KIF4B: variants seen among roughly 807,000 people sequenced by gnomAD.
KIF4B encodes the protein chromosome-associated kinesin KIF4B.
In KIF4B, 60 loss-of-function variants were observed where a neutral mutation model predicts 69.0. The ratio of observed to expected loss-of-function variants is 0.87; its 90% confidence interval spans 0.71 to 1.08. The LOEUF is 1.08. Among genes scored for constraint, KIF4B ranks in the 50% least tolerant of loss-of-function variants. The pLI, the probability that KIF4B is intolerant of heterozygous loss-of-function variation, is 0.00. For missense variants in KIF4B, 1,357 were observed against 1,451.9 expected, an observed-to-expected ratio of 0.93 and a Z score of 1.06; for synonymous variants, 489 against 533.0, an observed-to-expected ratio of 0.92 and a Z score of 1.14.
rs1765348671 is a variant in KIF4B, at chr5:155,017,332, AC to A, written c.3476del (p.Pro1159LeufsTer11). On this transcript the variant is annotated frameshift_variant, in exon 1 of 1. Coordinates refer to ENST00000435029, the MANE Select transcript of KIF4B (RefSeq NM_001099293.3). LOFTEE classifies it low-confidence loss of function (END_TRUNC). ...GTGACCCCAGGATTGAGCTTCTTTA[AC>A]CCTGTCTGTGCCACCCCCAATAGCA... ...TEVTPGLSFF[N>X]PVCATPNSKI... The A allele has an allele frequency of 6.2e-7, 1 of 1,613,958 alleles. No individual in the cohort carries two copies. Among genetic ancestry groups the A allele is most frequent in the East Asian group, 2.2e-5 (1 of 44,876 alleles).
chr5:155,014,290 A>T lies in KIF4B; in HGVS notation c.431A>T (p.Tyr144Phe). 1 of 1,614,256 alleles carries T rather than the reference A, an allele frequency of 6.2e-7. No individual in the cohort carries two copies. The change falls in exon 1 of 1, where the codon TAC becomes TTC. Residue 144 changes from tyrosine to phenylalanine, a missense_variant. Coordinates refer to ENST00000435029, the MANE Select transcript of KIF4B (RefSeq NM_001099293.3). ...CTGAAAGTGTCTTACTTAGAGATTT[A>T]CAATGAAGAAATTTTGGATCTTCTA... ...FTLKVSYLEI[Y>F]NEEILDLLCP...
Position 155,017,712 on chromosome 5 carries a change from T to G in KIF4B, c.*148T>G, listed in dbSNP as rs1057387593. The G allele has an allele frequency of 1.4e-6, 2 of 1,383,090 alleles. No homozygotes were observed. Among genetic ancestry groups the G allele is most frequent in the African/African-American group, 1.5e-5 (1 of 68,156 alleles). The allele number at this position is 1,383,090 out of a possible 1,614,324, so 85.7% of individuals were successfully genotyped here. A position where few individuals can be genotyped will look rare whatever the true frequency, so the allele number is the denominator to read the frequency against. ...AAGCATTACTAAAAAGAAGGTAACC[T>G]TTGTTGGATGTTGTCCCTCAGTCTC... On this transcript the variant is annotated 3_prime_UTR_variant, in exon 1 of 1. Coordinates refer to ENST00000435029, the MANE Select transcript of KIF4B (RefSeq NM_001099293.3).
In KIF4B at chr5:155,015,698, G is replaced by C. The variant is rs752547410; in HGVS notation, c.1839G>C (p.Lys613Asn). The C allele has an allele frequency of 6.1e-5, 98 of 1,614,094 alleles. No individual in the cohort carries two copies. The highest frequency in any genetic ancestry group is 8.1e-5 in the Non-Finnish European group (95 of 1,180,058). The change falls in exon 1 of 1, where the codon AAG (lysine) becomes AAC (asparagine). Residue 613 changes from lysine to asparagine, a missense_variant. Coordinates refer to ENST00000435029, the MANE Select transcript of KIF4B (RefSeq NM_001099293.3). ...QELEGQIADLKKKLNEQSKLL... is the reference protein window; with the variant it reads ...QELEGQIADLNKKLNEQSKLL... ...TGGAGGGTCAAATAGCTGATCTGAA[G>C]AAGAAACTGAATGAGCAGTCCAAAC...
chr5:155,014,879 T>C lies in KIF4B; in HGVS notation c.1020T>C (p.Pro340=), dbSNP rs368237750. 72 of 1,614,098 alleles carry C rather than the reference T, an allele frequency of 4.5e-5. 1 individual carries two copies. The East Asian group carries it at 8.7e-4, about 19-fold the overall frequency. Residue 340 remains proline (P), a synonymous_variant, in exon 1 of 1, where the codon CCT becomes CCC. Coordinates refer to ENST00000435029, the MANE Select transcript of KIF4B (RefSeq NM_001099293.3). ...GAGCAAGAAAAATCAAGAACAAACC[T>C]ATTGTTAATATTGATCCCCACACAG... The part of the protein sequence containing the change: ...ADRARKIKNK[P]IVNIDPHTAE...
chr5:155,016,870 A>T lies in KIF4B; in HGVS notation c.3011A>T (p.Lys1004Ile). The change falls in exon 1 of 1, where the codon AAA becomes ATA. Residue 1004 changes from lysine (K) to isoleucine (I), a missense_variant. Coordinates refer to ENST00000435029, the MANE Select transcript of KIF4B (RefSeq NM_001099293.3). ...LILLQVASRQ[K>I]HLPNDTLLSP... ...CTCCTCCAGGTAGCCAGCAGACAGA[A>T]ACATCTTCCTAATGATACCCTTCTA... The T allele has an allele frequency of 1.2e-6, 2 of 1,614,214 alleles. No homozygotes were observed. The highest frequency in any genetic ancestry group is 1.7e-6 in the Non-Finnish European group (2 of 1,180,046).
chr5:155,016,660 T>C lies in KIF4B; in HGVS notation c.2801T>C (p.Leu934Pro). ...EQQHQEKVLY[L>P]VSQLQESQMA... ...CAGCACCAAGAGAAGGTGCTATACCTTGTCAGCCAGCTGCAGGAAAGCCAA... is the reference window on the plus strand; with the variant it reads ...CAGCACCAAGAGAAGGTGCTATACCCTGTCAGCCAGCTGCAGGAAAGCCAA... Residue 934 changes from leucine (L) to proline (P), a missense_variant, in exon 1 of 1, where the codon CTT (leucine) becomes CCT (proline). Transcript: ENST00000435029. 6.2e-7 allele frequency: 1 copy of C among 1,614,200 alleles called. No individual in the cohort carries two copies. The highest frequency in any genetic ancestry group is 8.5e-7 in the Non-Finnish European group (1 of 1,180,026).
rs1275686635 is a variant in KIF4B at position 155,015,877 on chromosome 5, T to A, written c.2018T>A (p.Ile673Lys). ...AAGCAGAAAAAAGACAAAGAAGTAATACAGTTGAAAGAACGAGACCGTAAG... is the reference window on the plus strand; with the variant it reads ...AAGCAGAAAAAAGACAAAGAAGTAAAACAGTTGAAAGAACGAGACCGTAAG... Reference protein sequence around the residue: ...QWKQKKDKEVIQLKERDRKRQ... With the variant: ...QWKQKKDKEVKQLKERDRKRQ... Residue 673 changes from isoleucine (I) to lysine (K), a missense_variant, in exon 1 of 1, where the codon ATA (isoleucine) becomes AAA (lysine). Transcript: ENST00000435029. The A allele has an allele frequency of 2.5e-6, 4 of 1,614,046 alleles. No individual in the cohort carries two copies. Among genetic ancestry groups the A allele is most frequent in the Admixed American group, 3.3e-5 (2 of 60,014 alleles).
rs1253460115 is a variant in KIF4B at position 155,014,904 on chromosome 5, G to A, written c.1045G>A (p.Ala349Thr). The A allele has an allele frequency of 1.9e-6, 3 of 1,614,156 alleles. No individual in the cohort carries two copies. The highest frequency in any genetic ancestry group is 1.1e-5 in the South Asian group (1 of 91,082). ...KPIVNIDPHT[A>T]ELNHLKQQVQ... ...TATTGTTAATATTGATCCCCACACAGCTGAACTTAATCATCTAAAGCAACA... is the reference window on the plus strand; with the variant it reads ...TATTGTTAATATTGATCCCCACACAACTGAACTTAATCATCTAAAGCAACA... The change falls in exon 1 of 1, where the codon GCT becomes ACT. Residue 349 changes from alanine to threonine, a missense_variant. Coordinates refer to ENST00000435029, the MANE Select transcript of KIF4B (RefSeq NM_001099293.3).
In KIF4B at chr5:155,016,448, C is replaced by T. The variant is rs1196376561; in HGVS notation, c.2589C>T (p.Ala863=). The part of the protein sequence containing the change: ...CWENIATILE[A]KCALKYLIGE... ...AGAATATTGCCACCATTCTGGAAGC[C>T]AAGTGTGCCCTGAAATATTTGATTG... The change falls in exon 1 of 1, where the codon GCC becomes GCT. Residue 863 remains alanine, a synonymous_variant. Transcript: ENST00000435029. The T allele has an allele frequency of 6.2e-7, 1 of 1,614,202 alleles. No individual in the cohort carries two copies. The highest frequency in any genetic ancestry group is 1.7e-5 in the Admixed American group (1 of 60,032).
Position 155,017,097 on chromosome 5 carries a change from G to A in KIF4B, c.3238G>A (p.Val1080Met). The change falls in exon 1 of 1, where the codon GTG becomes ATG. Residue 1080 changes from valine to methionine, a missense_variant. Physicochemically the swap from Val to Met is conservative, Grantham distance 21. Coordinates refer to ENST00000435029, the MANE Select transcript of KIF4B (RefSeq NM_001099293.3). ...EEWKPTKLVK[V>M]SRKNIQGCSC... The stretch of plus-strand genomic sequence containing the variant: ...ATGGAAGCCAACAAAATTAGTCAAG[G>A]TGTCCAGGAAGAACATCCAAGGGTG... 1 of 1,614,124 alleles carries A rather than the reference G, an allele frequency of 6.2e-7. No homozygotes were observed. Among genetic ancestry groups the A allele is most frequent in the Non-Finnish European group, 8.5e-7 (1 of 1,179,976 alleles).
In KIF4B at chr5:155,014,706, G is replaced by A. The variant is rs776357996; in HGVS notation, c.847G>A (p.Gly283Ser). ...CAGTGCTCTTGGAGATGACAAAAAG[G>A]GTAGCTTTGTGCCCTACAGAGATTC... is the stretch of plus-strand genomic sequence containing the variant. ...VISALGDDKK[G>S]SFVPYRDSKL... The change falls in exon 1 of 1, where the codon GGT becomes AGT. Residue 283 changes from glycine to serine, a missense_variant. By Grantham distance (56) the Gly-to-Ser change is moderately conservative. Coordinates refer to ENST00000435029, the MANE Select transcript of KIF4B (RefSeq NM_001099293.3). The A allele has an allele frequency of 6.2e-7, 1 of 1,614,048 alleles. No individual in the cohort carries two copies. The highest frequency in any genetic ancestry group is 1.3e-5 in the African/African-American group (1 of 74,998).
In KIF4B at chr5:155,016,482, G is replaced by T. The variant is rs1481353867; in HGVS notation, c.2623G>T (p.Val875Phe). 2 of 1,614,180 alleles carry T rather than the reference G, an allele frequency of 1.2e-6. No individual in the cohort carries two copies. ...CCTGAAATATTTGATTGGAGAGCTG[G>T]TCTCCTCCAAAATACATGTCACCAA... ...CALKYLIGEL[V>F]SSKIHVTKLE... Residue 875 changes from valine (V) to phenylalanine (F), a missense_variant, in exon 1 of 1, where the codon GTC becomes TTC. Transcript: ENST00000435029.
At position 155,016,781 on chromosome 5, in the gene KIF4B, A is replaced by T. The variant is rs1419583323; in HGVS notation, c.2922A>T (p.Arg974=). The change falls in exon 1 of 1, where the codon CGA becomes CGT. Residue 974 remains arginine, a synonymous_variant. Coordinates refer to ENST00000435029, the MANE Select transcript of KIF4B (RefSeq NM_001099293.3). ...QCQDEELEKM[R]EVCEQNQQLL... is the part of the protein sequence containing the mutation. ...AGGATGAAGAACTTGAGAAGATGCG[A>T]GAAGTGTGTGAGCAAAATCAGCAGC... is the stretch of plus-strand genomic sequence containing the variant. The T allele has an allele frequency of 6.2e-7, 1 of 1,614,176 alleles. No individual in the cohort carries two copies. The highest frequency in any genetic ancestry group is 1.7e-5 in the Admixed American group (1 of 60,014).
At position 155,017,137 on chromosome 5, in the gene KIF4B, G is replaced by T. The variant is rs1475816982; in HGVS notation, c.3278G>T (p.Trp1093Leu). The T allele has an allele frequency of 6.2e-7, 1 of 1,614,188 alleles. No individual in the cohort carries two copies. The highest frequency in any genetic ancestry group is 1.6e-4 in the Middle Eastern group (1 of 6,062). Reference protein sequence around the residue: ...KNIQGCSCKGWCGNKQCGCRK... With the variant: ...KNIQGCSCKGLCGNKQCGCRK... ...ATCCAAGGGTGTTCCTGCAAGGGCT[G>T]GTGTGGGAACAAGCAGTGTGGGTGC... Residue 1093 changes from tryptophan to leucine, a missense_variant, in exon 1 of 1, where the codon TGG becomes TTG. Transcript: ENST00000435029.
In KIF4B at chr5:155,014,783, T is replaced by G; in HGVS notation, c.924T>G (p.Leu308=). 6.2e-6 allele frequency: 10 copies of G among 1,614,200 alleles called. No homozygotes were observed. The Middle Eastern group carries it at 4.9e-4, about 80-fold the overall frequency. ...QDSLGGNSHT[L]MIACVSPADS... is the part of the protein sequence containing the mutation. ...CTCTAGGAGGTAACAGCCACACTCT[T>G]ATGATAGCCTGTGTGAGTCCTGCTG... The change falls in exon 1 of 1, where the codon CTT becomes CTG. Residue 308 remains leucine (L), a synonymous_variant. Coordinates refer to ENST00000435029, the MANE Select transcript of KIF4B (RefSeq NM_001099293.3).
Position 155,015,786 on chromosome 5 carries a change from A to T in KIF4B, c.1927A>T (p.Met643Leu). ...VSKLNQEIWM[M>L]KNQRVQLMRQ... ...CAAGCTGAACCAAGAGATATGGATG[A>T]TGAAAAACCAGCGGGTACAGTTAAT... The change falls in exon 1 of 1, where the codon ATG (methionine) becomes TTG (leucine). Residue 643 changes from methionine (M) to leucine (L), a missense_variant. Met to Leu is a conservative substitution (Grantham distance 15). Transcript: ENST00000435029. The T allele has an allele frequency of 6.2e-7, 1 of 1,614,228 alleles. No homozygotes were observed. Among genetic ancestry groups the T allele is most frequent in the Non-Finnish European group, 8.5e-7 (1 of 1,180,036 alleles).
rs1195711805 is a variant in KIF4B at position 155,016,308 on chromosome 5, A to G, written c.2449A>G (p.Thr817Ala). ...AGTTTTGGAGTCAGAAGATTGTATT[A>G]CAAAACAGATTGAAAGCCTAGAGAC... ...GQVLESEDCITKQIESLETEM... is the reference protein window; with the variant it reads ...GQVLESEDCIAKQIESLETEM... The change falls in exon 1 of 1, where the codon ACA becomes GCA. Residue 817 changes from threonine (T) to alanine (A), a missense_variant. Coordinates refer to ENST00000435029, the MANE Select transcript of KIF4B (RefSeq NM_001099293.3). 5 of 1,614,242 alleles carry G rather than the reference A, an allele frequency of 3.1e-6. No individual in the cohort carries two copies. The South Asian group carries it at 5.5e-5, about 18-fold the overall frequency.
Position 155,014,772 on chromosome 5 carries a change from A to G in KIF4B, c.913A>G (p.Ser305Gly), listed in dbSNP as rs752876669. ...RLLQDSLGGN[S>G]HTLMIACVSP... ...GCTGCAAGATTCTCTAGGAGGTAAC[A>G]GCCACACTCTTATGATAGCCTGTGT... Residue 305 changes from serine (S) to glycine (G), a missense_variant, in exon 1 of 1, where the codon AGC (serine) becomes GGC (glycine). By Grantham distance (56) the Ser-to-Gly change is moderately conservative. Coordinates refer to ENST00000435029, the MANE Select transcript of KIF4B (RefSeq NM_001099293.3). 1.9e-6 allele frequency: 3 copies of G among 1,614,094 alleles called. No individual in the cohort carries two copies. The Admixed American group carries it at 5.0e-5, about 27-fold the overall frequency.
rs970340606 is a variant in KIF4B at position 155,014,029 on chromosome 5, C to A, written c.170C>A (p.Pro57His). 1 of 1,614,064 alleles carries A rather than the reference C, an allele frequency of 6.2e-7. No individual in the cohort carries two copies. Among genetic ancestry groups the A allele is most frequent in the African/African-American group, 1.3e-5 (1 of 74,914 alleles). Residue 57 changes from proline (P) to histidine (H), a missense_variant, in exon 1 of 1, where the codon CCC becomes CAC. Physicochemically the swap from Pro to His is moderately conservative, Grantham distance 77. Transcript: ENST00000435029. Reference protein sequence around the residue: ...KSFTYDFVFDPCTEQEEVFNK... With the variant: ...KSFTYDFVFDHCTEQEEVFNK... ...TTCACCTACGATTTTGTGTTTGACC[C>A]CTGTACTGAGCAGGAAGAAGTCTTC...
Sources: gnomAD v4.1 joint callset for allele counts on GRCh38, gnomAD v4.1.1 for gene constraint, MANE v1.5 for transcripts, NCBI Gene and HGNC (gene_info 2026-07-23, HGNC 2026-07-21) for gene names.